FAM167A: variants seen among roughly 807,000 people sequenced by gnomAD.
The protein encoded by FAM167A is family with sequence similarity 167 member A.
In FAM167A, 23 loss-of-function variants were observed where a neutral mutation model predicts 14.9. That is an observed-to-expected ratio of 1.55 (90% CI 1.11 to 2.19). The LOEUF (loss-of-function observed/expected upper bound fraction) is 2.19. Among genes scored for constraint, FAM167A ranks in the 30% most tolerant of loss-of-function variants. FAM167A has a pLI of 0.00. For synonymous variants in FAM167A, 174 were observed against 117.7 expected, an observed-to-expected ratio of 1.48 and a Z score of -3.10; for missense variants, 401 against 281.5, an observed-to-expected ratio of 1.42 and a Z score of -3.04.
chr8:11,472,438 T>G (rs1347564022), upstream of FAM167A, among the ~76,000 whole-genome samples: 1 of 25,526 alleles, frequency 3.9e-5, no homozygotes, highest in Non-Finnish European at 9.4e-5. Context: ...GTTTTTTGGG[T>G]TTTTTTTTTT....
At chr8:11,442,552 A>T (rs61707317) in intron 2 of FAM167A, among the ~76,000 whole-genome samples, 7,748 of 152,310 alleles carry the variant, frequency 0.051, 396 homozygotes, top group African/African-American at 0.13. Flanking sequence ...ACCAACAAAT[A>T]GTATCTTTGA....
chr8:11,470,826 C>T (rs1343460196), upstream of FAM167A, among the ~76,000 whole-genome samples: 4 of 152,140 alleles, frequency 2.6e-5, no homozygotes, highest in Admixed American at 6.5e-5. Flanking sequence ...CTTGTCCATC[C>T]GTGGGCCCAG....
rs1169080484 is a variant in FAM167A at position 11,444,236 on chromosome 8, G to A, written c.176C>T (p.Pro59Leu). ...TGGCTCCGCAGCCGGCCTCGGGAAGGGCCAGGTATGCTCCTCCAGCCTGGC... is the reference window on the plus strand; with the variant it reads ...TGGCTCCGCAGCCGGCCTCGGGAAGAGCCAGGTATGCTCCTCCAGCCTGGC... ...WQARLEEHTW[P>L]FPRPAAEPQA... The change falls in exon 2 of 3, where the codon CCC becomes CTC. Residue 59 changes from proline (P) to leucine (L), a missense_variant. Pro to Leu is a moderately conservative substitution (Grantham distance 98, BLOSUM62 -3). Transcript: ENST00000284486. The A allele has an allele frequency of 1.2e-6, 2 of 1,611,662 alleles. No homozygotes were observed. Among genetic ancestry groups the A allele is most frequent in the Non-Finnish European group, 1.7e-6 (2 of 1,179,756 alleles).
intron 2 of FAM167A, chr8:11,435,008 G>A (rs1805906966): frequency 2.2e-6 from 1 of 456,224 alleles, no homozygotes. Flanking sequence ...CCCAGCATCT[G>A]GGCCTCCTCC....
intron 2 of FAM167A, chr8:11,438,436 G>A (rs1392147726): frequency 2.2e-6 from 1 of 456,192 alleles, no homozygotes; most frequent in Non-Finnish European, 4.4e-6. Flanking sequence ...TTTATTCTAG[G>A]AGATTCTATG....
chr8:11,427,503 G>C (rs540650242), intron 2 of FAM167A, among the ~76,000 whole-genome samples: 2 of 152,298 alleles, frequency 1.3e-5, no homozygotes, highest in African/African-American at 4.8e-5. Flanking sequence ...CTGGTGCCTG[G>C]AGCCAAACTG....
chr8:11,444,161 G>T lies in FAM167A; in HGVS notation c.251C>A (p.Pro84His). The T allele has an allele frequency of 6.2e-7, 1 of 1,613,048 alleles. No homozygotes were observed. The highest frequency in any genetic ancestry group is 2.2e-5 in the East Asian group (1 of 44,872). ...GERGGQEPLLPLREAGQHPPS... is the reference protein window; with the variant it reads ...GERGGQEPLLHLREAGQHPPS... The stretch of plus-strand genomic sequence containing the variant: ...GGGGTGCTGCCCAGCCTCTCTCAGG[G>T]GGAGCAAGGGCTCCTGCCCCCCACG... Residue 84 changes from proline (P) to histidine (H), a missense_variant, in exon 2 of 3, where the codon CCC becomes CAC. Pro to His is a moderately conservative substitution (Grantham distance 77, BLOSUM62 -2). Coordinates refer to ENST00000284486, the MANE Select transcript of FAM167A (RefSeq NM_053279.3).
At chr8:11,465,069 C>G (rs1042728307) in intron 1 of FAM167A, among the ~76,000 whole-genome samples, 5 of 152,112 alleles carry the variant, frequency 3.3e-5, no homozygotes, top group African/African-American at 1.2e-4. Context: ...GGGGAGCAAC[C>G]CTTTCTTCTG....
At chr8:11,459,715 A>T (rs1807462948) in intron 1 of FAM167A, among the ~76,000 whole-genome samples, 1 of 152,080 alleles carries the variant, frequency 6.6e-6, no homozygotes, top group Non-Finnish European at 1.5e-5. Flanking sequence ...GATTCATTTC[A>T]TTTCTTTTCT....
chr8:11,457,482 C>T (rs13253092), intron 1 of FAM167A, among the ~76,000 whole-genome samples: 131,254 of 151,916 alleles, frequency 0.86, 57,152 homozygotes, highest in African/African-American at 0.95. Flanking sequence ...CTGGTGCTTC[C>T]GGAGCTCATC....
chr8:11,431,552 AAAC>A (rs749439294), intron 2 of FAM167A, among the ~76,000 whole-genome samples: 35 of 152,258 alleles, frequency 2.3e-4, no homozygotes, highest in Non-Finnish European at 4.7e-4. Flanking sequence ...ACTGACATTT[AAAC>A]AACAACAGCA....
intron 2 of FAM167A, chr8:11,434,802 G>A: frequency 2.9e-6 from 1 of 343,516 alleles, no homozygotes; most frequent in Non-Finnish European, 5.8e-6. Flanking sequence ...GAGAGAGGAT[G>A]CTGATCACCT....
chr8:11,453,218 G>T (rs1376504030), intron 1 of FAM167A, among the ~76,000 whole-genome samples: 1 of 152,194 alleles, frequency 6.6e-6, no homozygotes, highest in Non-Finnish European at 1.5e-5. Flanking sequence ...TGTTGCCCAG[G>T]CTGGAGCGCA....
At chr8:11,429,515 T>G (rs896808050) in intron 2 of FAM167A, among the ~76,000 whole-genome samples, 2 of 152,214 alleles carry the variant, frequency 1.3e-5, no homozygotes, top group African/African-American at 4.8e-5. Context: ...CGCACACGTT[T>G]GACATAGATT....
chr8:11,440,382 G>A (rs778042245), intron 2 of FAM167A, among the ~76,000 whole-genome samples: 12 of 152,232 alleles, frequency 7.9e-5, no homozygotes, highest in Non-Finnish European at 1.3e-4. Context: ...CCTGGGGGGC[G>A]TCAGGAGTGA....
At chr8:11,467,017 A>C (rs1024859174), upstream of FAM167A, among the ~76,000 whole-genome samples, 6 of 152,144 alleles carry the variant, frequency 3.9e-5, no homozygotes, top group African/African-American at 1.2e-4. Context: ...ATTAAACCCG[A>C]AACCAAGGCA....
intron 1 of FAM167A, among the ~76,000 whole-genome samples, chr8:11,445,832 A>AG (rs1806752230): frequency 6.6e-6 from 1 of 151,698 alleles, no homozygotes; most frequent in East Asian, 1.9e-4. Context: ...AAAAAAAAAA[A>AG]TCTGTGCTGG....
chr8:11,463,809 G>A (rs996524555), intron 1 of FAM167A, among the ~76,000 whole-genome samples: 1 of 152,208 alleles, frequency 6.6e-6, no homozygotes, highest in Non-Finnish European at 1.5e-5. Flanking sequence ...TGCAAAGGCC[G>A]CTGGGGAGGA....
intron 1 of FAM167A, among the ~76,000 whole-genome samples, chr8:11,447,183 C>CTTTTCTTTTA: frequency 6.8e-6 from 1 of 147,014 alleles, no homozygotes; most frequent in East Asian, 2.0e-4. Flanking sequence ...GGTTTCTTTT[C>CTTTTCTTTTA]TTTTTCTTTT....
Sources: gnomAD v4.1 joint callset for allele counts (sites outside exome capture counted in the v4.1 genomes callset) on GRCh38, gnomAD v4.1.1 for gene constraint, MANE v1.5 for transcripts, NCBI Gene and HGNC (gene_info 2026-07-23, HGNC 2026-07-21) for gene names.